Variants in RGL1 observed in about 807,000 individuals in gnomAD.
RGL1 encodes ral guanine nucleotide dissociation stimulator like 1.
Under a neutral mutation model 95.2 loss-of-function variants are expected in RGL1, and 24 were observed. The observed-to-expected ratio is 0.25, with a 90% CI of 0.18 to 0.35. RGL1 has a LOEUF of 0.35. Ranked by LOEUF, RGL1 falls within the 10% of genes least tolerant of loss-of-function variation. The pLI, the probability that RGL1 is intolerant of heterozygous loss-of-function variation, is 1.00. For synonymous variants in RGL1, 329 were observed against 344.9 expected (o/e 0.95, Z 0.51); for missense variants, 715 against 936.3 (o/e 0.76, Z 3.08).
exon 2 of RGL1, chr1:183,742,160 G>A (rs780259903): frequency 6.2e-7 from 1 of 1,613,820 alleles, no homozygotes; most frequent in African/African-American, 1.3e-5. Context: ...CTTTCAAGAT[G>A]GAGGTGAAAC....
chr1:183,897,011 A>G (rs1397243877), intron 9 of RGL1, among the ~76,000 whole-genome samples: 2 of 152,262 alleles, frequency 1.3e-5, no homozygotes, highest in Admixed American at 6.5e-5. Context: ...CATTTAGCTA[A>G]GAAATGCTAC....
chr1:183,764,427 A>C (rs1346092802), intron 2 of RGL1, among the ~76,000 whole-genome samples: 1 of 152,220 alleles, frequency 6.6e-6, no homozygotes, highest in African/African-American at 2.4e-5. Flanking sequence ...CCCATTGTCC[A>C]GATGTGGTGA....
At chr1:183,878,761 G>A (rs542228258) in intron 4 of RGL1, among the ~76,000 whole-genome samples, 3 of 152,168 alleles carry the variant, frequency 2.0e-5, no homozygotes, top group East Asian at 1.9e-4. Flanking sequence ...TTGTGTTTCC[G>A]TCTGGGTGTT....
chr1:183,697,856 G>A (rs1391671541), intron 1 of RGL1, among the ~76,000 whole-genome samples: 1 of 152,166 alleles, frequency 6.6e-6, no homozygotes, highest in African/African-American at 2.4e-5. Flanking sequence ...CTTCCCCACT[G>A]TACTCTGTGT....
intron 12 of RGL1, among the ~76,000 whole-genome samples, chr1:183,903,456 A>T (rs1277073763): frequency 6.6e-6 from 1 of 152,194 alleles, no homozygotes; most frequent in Non-Finnish European, 1.5e-5. Context: ...TATTTAAAAG[A>T]CTCAAAGGAA....
At chr1:183,636,658 G>A (rs951478488) in intron 1 of RGL1, among the ~76,000 whole-genome samples, 4 of 152,120 alleles carry the variant, frequency 2.6e-5, no homozygotes, top group African/African-American at 9.7e-5. Flanking sequence ...GTGAGGGTAG[G>A]TTAGGCTCTC....
intron 4 of RGL1, among the ~76,000 whole-genome samples, chr1:183,879,161 GAAT>G (rs1666682804): frequency 6.6e-6 from 1 of 152,086 alleles, no homozygotes; most frequent in African/African-American, 2.4e-5. Flanking sequence ...GCAGATAATT[GAAT>G]ATTATAGTTC....
In RGL1 at chr1:183,745,041, G is replaced by C. The variant is rs74130597; in HGVS notation, c.132+2752G>C. ...CATTCTATATCCTCACCTGTTATTG[G>C]TATTGACAGACCTTTAAATATTGGC... On this transcript the variant is annotated intron_variant, in intron 2 of 18. Transcript: ENST00000304685. Among the ~76,000 whole-genome samples, 1,280 of 152,178 alleles carry C rather than the reference G, an allele frequency of 8.4e-3. 14 individuals carry two copies. The highest frequency in any genetic ancestry group is 0.029 in the African/African-American group (1,217 of 41,508).
intron 2 of RGL1, among the ~76,000 whole-genome samples, chr1:183,808,408 G>A (rs778849737): frequency 6.6e-5 from 10 of 152,228 alleles, no homozygotes; most frequent in Non-Finnish European, 1.3e-4. Context: ...TCAACAAAGT[G>A]TGATTTACTG....
chr1:183,685,603 T>C (rs1010350388), intron 1 of RGL1, among the ~76,000 whole-genome samples: 2 of 152,204 alleles, frequency 1.3e-5, no homozygotes, highest in Admixed American at 6.5e-5. Flanking sequence ...ATGAAACATT[T>C]TCTCTAGCAG....
intron 7 of RGL1, among the ~76,000 whole-genome samples, chr1:183,887,193 T>TC (rs1250328325): frequency 1.7e-5 from 2 of 115,058 alleles, no homozygotes; most frequent in Non-Finnish European, 1.7e-5. Context: ...CCTCCCTCCC[T>TC]CCTTCCCCTC....
At chr1:183,923,238 TA>T (rs1372010441) in intron 17 of RGL1, among the ~76,000 whole-genome samples, 1 of 152,292 alleles carries the variant, frequency 6.6e-6, no homozygotes, top group East Asian at 1.9e-4. Flanking sequence ...TTCCACAAGC[TA>T]GGCTATGGGA....
chr1:183,840,233 C>G (rs1663951010), intron 2 of RGL1, among the ~76,000 whole-genome samples: 1 of 152,122 alleles, frequency 6.6e-6, no homozygotes, highest in African/African-American at 2.4e-5. Context: ...AGCTTCTAAA[C>G]AAAAAGGTGA....
At chr1:183,671,412 T>G (rs1269409799) in intron 1 of RGL1, among the ~76,000 whole-genome samples, 6 of 152,256 alleles carry the variant, frequency 3.9e-5, no homozygotes, top group Admixed American at 2.6e-4. Flanking sequence ...ACTGCCAAAC[T>G]GTTTTCCACA....
intron 2 of RGL1, among the ~76,000 whole-genome samples, chr1:183,751,082 T>G (rs529207026): frequency 2.4e-4 from 36 of 152,190 alleles, no homozygotes; most frequent in Non-Finnish European, 4.1e-4. Flanking sequence ...TAGTGGAGCT[T>G]GAGCATTGTG....
At chr1:183,790,527 G>C (rs1036121225) in intron 2 of RGL1, among the ~76,000 whole-genome samples, 8 of 152,140 alleles carry the variant, frequency 5.3e-5, no homozygotes, top group African/African-American at 1.7e-4. Context: ...TAATAACTTA[G>C]CCTTAGTTGG....
intron 2 of RGL1, among the ~76,000 whole-genome samples, chr1:183,846,697 T>C (rs1664466827): frequency 6.6e-6 from 1 of 151,978 alleles, no homozygotes; most frequent in African/African-American, 2.4e-5. Context: ...CTGGCCAACA[T>C]GGTGAAAACC....
At chr1:183,764,103 G>C (rs1348901116) in intron 2 of RGL1, among the ~76,000 whole-genome samples, 2 of 152,190 alleles carry the variant, frequency 1.3e-5, no homozygotes, top group Non-Finnish European at 2.9e-5. Context: ...ATTTGCAGGG[G>C]AGACCAGATA....
chr1:183,663,318 C>A (rs1381255679), intron 1 of RGL1, among the ~76,000 whole-genome samples: 1 of 150,928 alleles, frequency 6.6e-6, no homozygotes, highest in Non-Finnish European at 1.5e-5. Context: ...ACTCATCTGA[C>A]AAAGGGCTAA....
Sources: gnomAD v4.1 joint callset for allele counts (sites outside exome capture counted in the v4.1 genomes callset) on GRCh38, gnomAD v4.1.1 for gene constraint, MANE v1.5 for transcripts, NCBI Gene and HGNC (gene_info 2026-07-23, HGNC 2026-07-21) for gene names.